Variants in PCDH7 observed in about 807,000 individuals in gnomAD.
PCDH7 encodes protocadherin 7, also known as protocadherin-7.
In PCDH7, 17 loss-of-function variants were observed where a neutral mutation model predicts 58.9. That is an observed-to-expected ratio of 0.29 (90% CI 0.20 to 0.43). The LOEUF (loss-of-function observed/expected upper bound fraction) is 0.43. PCDH7 is among the 20% of genes least tolerant of loss of function. PCDH7 has a pLI of 1.00. For missense variants in PCDH7, 1,274 were observed against 1,441.0 expected (o/e 0.88, Z 1.88); for synonymous variants, 664 against 616.4 (o/e 1.08, Z -1.14).
At chr4:30,851,493 G>A (rs1010785500) in intron 1 of PCDH7, among the ~76,000 whole-genome samples, 5 of 151,932 alleles carry the variant, frequency 3.3e-5, no homozygotes, top group South Asian at 2.1e-4. Context: ...TTCTGACTTA[G>A]TGTCAAGCAG....
At chr4:31,024,444 T>C (rs1286131698) in intron 3 of PCDH7, among the ~76,000 whole-genome samples, 6 of 152,176 alleles carry the variant, frequency 3.9e-5, no homozygotes, top group Admixed American at 3.9e-4. Flanking sequence ...ATTATAATTA[T>C]TCTTGTCATT....
intron 3 of PCDH7, among the ~76,000 whole-genome samples, chr4:31,079,228 A>G (rs1759263216): frequency 6.8e-6 from 1 of 148,068 alleles, no homozygotes; most frequent in Admixed American, 6.8e-5. Context: ...TAACATTAGA[A>G]ATATCAATGC....
At chr4:30,999,991 T>C (rs1281742785) in intron 3 of PCDH7, among the ~76,000 whole-genome samples, 1 of 152,198 alleles carries the variant, frequency 6.6e-6, no homozygotes, top group Admixed American at 6.5e-5. Context: ...TTATTGTTTA[T>C]GGCTGTTTAA....
At chr4:30,867,000 A>C (rs572022742) in intron 1 of PCDH7, among the ~76,000 whole-genome samples, 1 of 152,094 alleles carries the variant, frequency 6.6e-6, no homozygotes, top group African/African-American at 2.4e-5. Context: ...AATGTGAGGT[A>C]GATCTAAGGT....
At chr4:30,818,147 A>C (rs1727925179) in intron 1 of PCDH7, among the ~76,000 whole-genome samples, 1 of 152,300 alleles carries the variant, frequency 6.6e-6, no homozygotes. Context: ...TCGTCTTAGC[A>C]GTGAGCTCCT....
intron 3 of PCDH7, among the ~76,000 whole-genome samples, chr4:31,034,843 T>A (rs139049904): frequency 2.0e-5 from 3 of 152,312 alleles, no homozygotes; most frequent in African/African-American, 7.2e-5. Context: ...TAGGATTGAT[T>A]TAAGCCTCCC....
chr4:30,868,164 T>C lies in PCDH7; in HGVS notation c.71-51989T>C, dbSNP rs181439023. Among the ~76,000 whole-genome samples the C allele has an allele frequency of 4.7e-4, 72 of 152,244 alleles. No homozygotes were observed. In the Middle Eastern group the frequency reaches 0.014, roughly 29 times the overall value. Reference sequence around the variant, plus strand: ...CTTCAGTTAATGATACCAACTGTTATGAATATTCACTTTTTAAAGCTACCC... The same window carrying C: ...CTTCAGTTAATGATACCAACTGTTACGAATATTCACTTTTTAAAGCTACCC... On this transcript the variant is annotated intron_variant, in intron 1 of 3. Coordinates refer to the PCDH7 transcript ENST00000509759.
chr4:30,745,034 G>A (rs1717584804), intron 1 of PCDH7, among the ~76,000 whole-genome samples: 1 of 152,002 alleles, frequency 6.6e-6, no homozygotes, highest in East Asian at 1.9e-4. Context: ...TGCCATCATC[G>A]AGGAGATTGA....
rs1464808028 is a variant in PCDH7, at chr4:30,722,043, CG to C, written c.626del (p.Gly209AlafsTer52). ...GGGCGGCCGACAGCGCCCCCTACCC[CG>C]GGGGCGGCGGGAACGGCGCGAGCGG... On this transcript the variant is annotated frameshift_variant, in exon 1 of 2. Coordinates refer to ENST00000361762, the Ensembl canonical transcript of PCDH7. LOFTEE classifies it high-confidence loss of function. This position sits in a 1 kb window ranked among gnomAD's most constrained non-coding sequence, Gnocchi z 7.6. 1.6e-6 allele frequency: 2 copies of C among 1,239,678 alleles called. No individual in the cohort carries two copies. Among genetic ancestry groups the C allele is most frequent in the South Asian group, 3.6e-5 (1 of 27,470 alleles). 76.8% of individuals were successfully genotyped at this position (1,239,678 alleles called of 1,614,324 possible).
chr4:30,979,339 A>G (rs1750355590), intron 3 of PCDH7, among the ~76,000 whole-genome samples: 2 of 146,300 alleles, frequency 1.4e-5, no homozygotes, highest in South Asian at 2.1e-4. Flanking sequence ...AAAAAAAAAA[A>G]GAAAAAAAAG....
Position 30,723,567 on chromosome 4 carries a change from G to A in PCDH7, c.2145G>A (p.Val715=). 1 of 1,614,178 alleles carries A rather than the reference G, an allele frequency of 6.2e-7. No individual in the cohort carries two copies. The highest frequency in any genetic ancestry group is 8.5e-7 in the Non-Finnish European group (1 of 1,180,034). Residue 715 remains valine, a synonymous_variant, in exon 1 of 2, where the codon GTG becomes GTA. Transcript: ENST00000361762. The surrounding 1 kb of genome is among the most constrained non-coding windows in gnomAD (Gnocchi z 4.6). ...CATACACTTTCAGAGTCAAGGCTGTGGATGGGGGAGATCCTCCCAGATCTG... is the reference window on the plus strand; with the variant it reads ...CATACACTTTCAGAGTCAAGGCTGTAGATGGGGGAGATCCTCCCAGATCTG...
At chr4:31,138,319 GT>G (rs1719864123) in intron 3 of PCDH7, among the ~76,000 whole-genome samples, 2 of 152,094 alleles carry the variant, frequency 1.3e-5, no homozygotes, top group African/African-American at 4.8e-5. Context: ...AAAATGTATA[GT>G]TTTAGGGAGG....
At chr4:30,957,676 A>G (rs187719450) in intron 3 of PCDH7, among the ~76,000 whole-genome samples, 3 of 152,278 alleles carry the variant, frequency 2.0e-5, no homozygotes, top group East Asian at 1.9e-4. Flanking sequence ...TTCTTCTTAT[A>G]TCTGAACTAG....
At chr4:31,062,143 G>A (rs1316641478) in intron 3 of PCDH7, among the ~76,000 whole-genome samples, 1 of 151,478 alleles carries the variant, frequency 6.6e-6, no homozygotes. Flanking sequence ...TGTGGCTTTT[G>A]TGAAGTTATC....
chr4:31,098,467 C>T (rs929976541), intron 3 of PCDH7, among the ~76,000 whole-genome samples: 14 of 152,120 alleles, frequency 9.2e-5, no homozygotes, highest in Admixed American at 3.3e-4. Flanking sequence ...GCAAGGATTT[C>T]AAGATGTGGA....
chr4:30,830,555 C>T (rs2109330045), intron 1 of PCDH7, among the ~76,000 whole-genome samples: 1 of 152,070 alleles, frequency 6.6e-6, no homozygotes, highest in Non-Finnish European at 1.5e-5. Flanking sequence ...GTGTCTGGCT[C>T]TCATTTCCTC....
At chr4:30,748,974 C>T (rs951373031) in intron 1 of PCDH7, among the ~76,000 whole-genome samples, 3 of 152,134 alleles carry the variant, frequency 2.0e-5, no homozygotes, top group African/African-American at 4.8e-5. Flanking sequence ...ACAACTATGT[C>T]ATATGACCTT....
rs539333739 is a variant in PCDH7, at chr4:30,849,921, T to C, written c.71-70232T>C. On this transcript the variant is annotated intron_variant, in intron 1 of 3. Transcript: ENST00000509759. ...GGGTCAAAATTCTTCTCTTGAAAGA[T>C]GAAATTCTGTCAGGACCCCAATCTT... is the stretch of plus-strand genomic sequence containing the variant. 1.1e-3 allele frequency among the ~76,000 whole-genome samples: 167 copies of C among 152,254 alleles called. No homozygotes were observed. In the South Asian group the frequency reaches 0.012, roughly 11 times the overall value.
rs1049844260 is a variant in PCDH7 at position 30,730,218 on chromosome 4, A to G, written c.3175-535A>G. On this transcript the variant is annotated intron_variant, in intron 1 of 1. Coordinates refer to ENST00000361762, the Ensembl canonical transcript of PCDH7. ...TTTCTAGACTATGGCAAGGTTTCCC[A>G]TTCATTTATTTACTATGACTCTATA... 2.6e-5 allele frequency among the ~76,000 whole-genome samples: 4 copies of G among 152,162 alleles called. No individual in the cohort carries two copies. In the East Asian group the frequency reaches 7.7e-4, roughly 29 times the overall value.
Sources: allele counts gnomAD v4.1 joint callset (sites outside exome capture counted in the v4.1 genomes callset), GRCh38; gene constraint gnomAD v4.1.1; non-coding constraint Gnocchi (gnomAD v3.1); transcripts MANE v1.5; gene names NCBI Gene and HGNC (gene_info 2026-07-23, HGNC 2026-07-21).